The following NUMB variants were observed in gnomAD, a reference collection of about 807,000 sequenced individuals.
NUMB encodes NUMB endocytic adaptor protein.
Under a neutral mutation model 59.7 loss-of-function variants are expected in NUMB, and 29 were observed. The ratio of observed to expected loss-of-function variants is 0.49; its 90% CI spans 0.36 to 0.66. NUMB has a LOEUF of 0.66. Among genes scored for constraint, NUMB ranks in the 30% least tolerant of loss-of-function variants. The pLI is 0.00. For synonymous variants in NUMB, 288 were observed against 288.2 expected (o/e 1.00, Z 0.01); for missense variants, 723 against 822.0 (o/e 0.88, Z 1.47).
At chr14:73,395,037 T>TTTTGTGTGTGTGTG (rs1230785169) in intron 2 of NUMB, among the ~76,000 whole-genome samples, 3 of 119,922 alleles carry the variant, frequency 2.5e-5, no homozygotes, top group Admixed American at 8.9e-5. Flanking sequence ...ATTCGTGTGT[T>TTTTGTGTGTGTGTG]TGTGTGTGTG....
chr14:73,449,879 G>T (rs1018843857), intron 1 of NUMB, among the ~76,000 whole-genome samples: 1 of 152,156 alleles, frequency 6.6e-6, no homozygotes, highest in African/African-American at 2.4e-5. Context: ...GTAGACACGG[G>T]CTTTCGCCAT....
intron 2 of NUMB, among the ~76,000 whole-genome samples, chr14:73,391,283 CT>C (rs369541360): frequency 2.1e-3 from 285 of 133,632 alleles, no homozygotes; most frequent in Middle Eastern, 3.8e-3. Flanking sequence ...GATTTTTTTT[CT>C]TTTTTTTTTT....
intron 4 of NUMB, among the ~76,000 whole-genome samples, chr14:73,343,724 G>A (rs1892759644): frequency 6.7e-6 from 1 of 150,172 alleles, no homozygotes. Context: ...TGGGTTGCTG[G>A]TTCCTGTTTG....
chr14:73,318,168 A>T (rs1232587865), intron 5 of NUMB, among the ~76,000 whole-genome samples: 1 of 152,198 alleles, frequency 6.6e-6, no homozygotes, highest in Non-Finnish European at 1.5e-5. Flanking sequence ...CAAAGTTAAG[A>T]TATTCACCAT....
At chr14:73,375,144 T>C (rs1894888914) in intron 2 of NUMB, among the ~76,000 whole-genome samples, 1 of 152,184 alleles carries the variant, frequency 6.6e-6, no homozygotes, top group African/African-American at 2.4e-5. Context: ...TCCTTGACTT[T>C]ACAATCAACA....
At chr14:73,430,768 C>T (rs989873592) in intron 1 of NUMB, among the ~76,000 whole-genome samples, 2 of 151,132 alleles carry the variant, frequency 1.3e-5, no homozygotes, top group African/African-American at 2.5e-5. Context: ...GGTGAAACCC[C>T]GTCTCTACTA....
intron 2 of NUMB, among the ~76,000 whole-genome samples, chr14:73,396,142 G>GC (rs1205637768): frequency 6.6e-6 from 1 of 152,008 alleles, no homozygotes; most frequent in Non-Finnish European, 1.5e-5. Flanking sequence ...GGGTGCAGTG[G>GC]CACGACCATA....
At position 73,372,364 on chromosome 14, in the gene NUMB, T is replaced by C. The variant is rs1413006198; in HGVS notation, c.-100-5383A>G. ...CCTTTTATATATATATATATAACCT[T>C]TTATATATATATATATAAATGTGTA... is the stretch of plus-strand genomic sequence containing the variant. On this transcript the variant is annotated intron_variant, in intron 2 of 12. Coordinates refer to ENST00000555238, the MANE Select transcript of NUMB (RefSeq NM_001005743.2). Among the ~76,000 whole-genome samples, 3 of 107,430 alleles carry C rather than the reference T, an allele frequency of 2.8e-5. 1 individual carries two copies. The highest frequency in any genetic ancestry group is 2.3e-4 in the East Asian group (1 of 4,260). 70.5% of individuals were successfully genotyped at this position (107,430 alleles called of 152,430 possible).
intron 1 of NUMB, among the ~76,000 whole-genome samples, chr14:73,456,344 A>AAGTGATCC (rs1884370880): frequency 6.6e-6 from 1 of 152,108 alleles, no homozygotes; most frequent in East Asian, 1.9e-4. Context: ...TCCTGACCTC[A>AAGTGATCC]AGTGATCCGC....
intron 6 of NUMB, among the ~76,000 whole-genome samples, chr14:73,304,210 T>G (rs534467749): frequency 6.6e-6 from 1 of 152,244 alleles, no homozygotes; most frequent in Non-Finnish European, 1.5e-5. Flanking sequence ...CTCCTAAATA[T>G]AAAAGCTACG....
intron 1 of NUMB, among the ~76,000 whole-genome samples, chr14:73,435,522 C>G (rs1300292752): frequency 6.6e-6 from 1 of 151,340 alleles, no homozygotes; most frequent in Non-Finnish European, 1.5e-5. Flanking sequence ...GATCTGCCCG[C>G]CTCAGCCTCC....
chr14:73,385,496 CTT>C lies in NUMB; in HGVS notation c.-100-18517_-100-18516del, dbSNP rs35526624. 7.2e-3 allele frequency among the ~76,000 whole-genome samples: 472 copies of C among 65,316 alleles called. 3 individuals are homozygous for C. Among genetic ancestry groups the C allele is most frequent in the South Asian group, 0.034 (55 of 1,628 alleles). 42.8% of individuals were successfully genotyped at this position (65,316 alleles called of 152,430 possible). ...AAAATAGCTACATATGGCTAGTGGC[CTT>C]TTTTTTTTTTTTTTTTTTTTTGAGA... is the stretch of plus-strand genomic sequence containing the variant. On this transcript the variant is annotated intron_variant, in intron 2 of 12. Transcript: ENST00000555238.
At chr14:73,283,386 T>C (rs1284680990) in intron 10 of NUMB, among the ~76,000 whole-genome samples, 1 of 151,846 alleles carries the variant, frequency 6.6e-6, no homozygotes, top group Non-Finnish European at 1.5e-5. Flanking sequence ...TATTTTGTTA[T>C]AGCAATGGCT....
chr14:73,398,556 T>C (rs1053218329), intron 2 of NUMB, among the ~76,000 whole-genome samples: 3 of 151,820 alleles, frequency 2.0e-5, no homozygotes, highest in Non-Finnish European at 4.4e-5. Context: ...TTCAAAAATA[T>C]CTACAGCAAA....
chr14:73,284,576 A>G (rs1048394915), intron 9 of NUMB: 5 of 500,954 alleles, frequency 1.0e-5, no homozygotes, highest in African/African-American at 9.7e-5. Context: ...CACAAAGCAT[A>G]TCTACTAAGA....
intron 1 of NUMB, among the ~76,000 whole-genome samples, chr14:73,456,488 G>A (rs901866051): frequency 1.3e-5 from 2 of 152,200 alleles, no homozygotes; most frequent in Non-Finnish European, 2.9e-5. Context: ...TTTACATTGT[G>A]ACCTAGTACA....
chr14:73,394,698 C>T (rs1343827211), intron 2 of NUMB, among the ~76,000 whole-genome samples: 1 of 152,206 alleles, frequency 6.6e-6, no homozygotes. Context: ...CTCTTCCTCC[C>T]TAGATCCTGG....
intron 2 of NUMB, among the ~76,000 whole-genome samples, chr14:73,372,365 TTA>T (rs34052943): frequency 0.23 from 28,042 of 122,864 alleles, 3,543 homozygotes; most frequent in Non-Finnish European, 0.28. Context: ...ATATAACCTT[TTA>T]TATATATATA....
chr14:73,281,785 G>A (rs1258758353), intron 11 of NUMB, among the ~76,000 whole-genome samples: 1 of 152,180 alleles, frequency 6.6e-6, no homozygotes, highest in African/African-American at 2.4e-5. Flanking sequence ...CAGAGACTAG[G>A]TGAGTCCAGG....
Sources: allele counts gnomAD v4.1 joint callset (sites outside exome capture counted in the v4.1 genomes callset), GRCh38; gene constraint gnomAD v4.1.1; transcripts MANE v1.5; gene names NCBI Gene and HGNC (gene_info 2026-07-23, HGNC 2026-07-21).